Variants in PTK2 observed in about 807,000 individuals in gnomAD.
PTK2 encodes protein tyrosine kinase 2.
In PTK2, 45 loss-of-function variants were observed where a neutral mutation model predicts 150.1. The ratio of observed to expected loss-of-function variants is 0.30; its 90% CI spans 0.24 to 0.38. The LOEUF (loss-of-function observed/expected upper bound fraction) is 0.38, where lower values mean the gene tolerates loss of function less well. Ranked by LOEUF, PTK2 falls within the 10% of genes least tolerant of loss-of-function variation. The pLI is 1.00. For missense variants in PTK2, 919 were observed against 1,307.3 expected (o/e 0.70, Z 4.58); for synonymous variants, 432 against 449.2 (o/e 0.96, Z 0.48).
exon 9 of PTK2, chr8:140,818,919 G>T: frequency 1.2e-6 from 2 of 1,613,444 alleles, no homozygotes; most frequent in South Asian, 1.1e-5. Context: ...CAAATCTGTA[G>T]ACTGGAGACA....
At chr8:140,783,980 T>A (rs748489891) in intron 14 of PTK2, among the ~76,000 whole-genome samples, 2 of 152,022 alleles carry the variant, frequency 1.3e-5, no homozygotes, top group African/African-American at 4.8e-5. Context: ...CTGGCCAACG[T>A]TGTGAAACCC....
At chr8:140,710,728 A>G (rs954911522) in intron 23 of PTK2, among the ~76,000 whole-genome samples, 23 of 152,344 alleles carry the variant, frequency 1.5e-4, no homozygotes, top group African/African-American at 5.3e-4. Context: ...AGAGGTATGT[A>G]GGTTATATGC....
At chr8:140,947,141 T>C (rs1332865686) in intron 1 of PTK2, among the ~76,000 whole-genome samples, 1 of 152,118 alleles carries the variant, frequency 6.6e-6, no homozygotes, top group Non-Finnish European at 1.5e-5. Context: ...AGGCAAGCCT[T>C]CTCCACCCCT....
intron 1 of PTK2, among the ~76,000 whole-genome samples, chr8:140,987,843 C>T (rs1345538269): frequency 1.3e-5 from 2 of 152,158 alleles, no homozygotes; most frequent in African/African-American, 2.4e-5. Flanking sequence ...AGGAGTTTGA[C>T]ACCAGCCTGC....
At chr8:140,661,744 G>A (rs377308337) in intron 31 of PTK2, among the ~76,000 whole-genome samples, 68 of 152,282 alleles carry the variant, frequency 4.5e-4, no homozygotes, top group African/African-American at 1.4e-3. Context: ...CAGAGCAGGG[G>A]GTCTCAAGGG....
intron 1 of PTK2, among the ~76,000 whole-genome samples, chr8:140,992,433 G>GCA (rs1209580637): frequency 5.9e-5 from 9 of 152,116 alleles, no homozygotes; most frequent in African/African-American, 2.2e-4. Context: ...AAGTGCCACT[G>GCA]CACTCCAGCC....
At chr8:140,684,932 T>C (rs2100018983) in intron 27 of PTK2, among the ~76,000 whole-genome samples, 2 of 152,126 alleles carry the variant, frequency 1.3e-5, no homozygotes, top group African/African-American at 4.8e-5. Context: ...GCCTGAATAG[T>C]CAAAGCAATC....
chr8:140,692,469 T>A (rs1590414291), intron 26 of PTK2, among the ~76,000 whole-genome samples: 1 of 152,076 alleles, frequency 6.6e-6, no homozygotes, highest in South Asian at 2.1e-4. Context: ...ATACAAAAAT[T>A]AGCCGGGCAT....
intron 10 of PTK2, among the ~76,000 whole-genome samples, chr8:140,805,763 C>A (rs533918001): frequency 6.6e-6 from 1 of 152,300 alleles, no homozygotes; most frequent in South Asian, 2.1e-4. Flanking sequence ...TGATATTCTG[C>A]TTAGAGTCCT....
At chr8:141,000,326 C>T (rs1039929719) in intron 1 of PTK2, among the ~76,000 whole-genome samples, 2 of 152,184 alleles carry the variant, frequency 1.3e-5, no homozygotes, top group Admixed American at 1.3e-4. Context: ...GGGGCTCTAC[C>T]AAACTTGAGG....
At chr8:140,869,936 A>G (rs1051502169) in intron 4 of PTK2, among the ~76,000 whole-genome samples, 2 of 1,976 alleles carry the variant, frequency 1.0e-3, no homozygotes, top group African/African-American at 1.1e-3. Context: ...GCATGTAGCA[A>G]AACATATATG....
chr8:140,659,195 C>A, exon 32 of PTK2: 1 of 473,690 alleles, frequency 2.1e-6, no homozygotes, highest in Non-Finnish European at 3.8e-6. Context: ...TGCTTAAAAG[C>A]TTACATATAA....
chr8:140,836,521 T>G (rs1354277282), intron 7 of PTK2, among the ~76,000 whole-genome samples: 1 of 152,168 alleles, frequency 6.6e-6, no homozygotes, highest in African/African-American at 2.4e-5. Context: ...ATAAGAGAAA[T>G]AAACTTCTGT....
intron 26 of PTK2, among the ~76,000 whole-genome samples, chr8:140,699,633 G>C (rs1012309227): frequency 6.6e-6 from 1 of 152,192 alleles, no homozygotes; most frequent in South Asian, 2.1e-4. Flanking sequence ...GTAGCAAGAT[G>C]CAATAGTTTA....
chr8:140,971,504 C>CA (rs1370210158), intron 1 of PTK2, among the ~76,000 whole-genome samples: 1 of 152,196 alleles, frequency 6.6e-6, no homozygotes, highest in Non-Finnish European at 1.5e-5. Context: ...AGTCAAGACT[C>CA]AAATTTTTCT....
intron 1 of PTK2, among the ~76,000 whole-genome samples, chr8:140,947,023 C>A (rs1288786856): frequency 2.6e-5 from 4 of 152,194 alleles, no homozygotes; most frequent in Non-Finnish European, 5.9e-5. Flanking sequence ...TTATACCAGA[C>A]TACACCTGGA....
rs368123884 is a variant in PTK2, at chr8:140,743,335, T to C, written c.1635-5A>G. 9 of 1,607,224 alleles carry C rather than the reference T, an allele frequency of 5.6e-6. No individual in the cohort carries two copies. Among genetic ancestry groups the C allele is most frequent in the Middle Eastern group, 1.6e-4 (1 of 6,072 alleles). Reference sequence around the variant, plus strand: ...ACATTCCGAGCAGCAATGTCCCTGATAAAGAAGAATTTGAGACAATAAGAC... The same window carrying C: ...ACATTCCGAGCAGCAATGTCCCTGACAAAGAAGAATTTGAGACAATAAGAC... On this transcript the variant is annotated splice_region_variant and splice_polypyrimidine_tract_variant and intron_variant, in intron 19 of 31. Transcript: ENST00000522684.
chr8:140,669,827 T>C, intron 29 of PTK2, 92 bp from the exon 33 acceptor site: 1 of 1,377,554 alleles, frequency 7.3e-7, no homozygotes, highest in Admixed American at 2.0e-5. Flanking sequence ...ATAAGACAAA[T>C]CCCCCATAAA....
intron 5 of PTK2, among the ~76,000 whole-genome samples, chr8:140,862,126 T>C (rs942740517): frequency 6.6e-6 from 1 of 152,146 alleles, no homozygotes; most frequent in Middle Eastern, 3.2e-3. Context: ...AACAAAAAAG[T>C]TGCAGACTTT....
Sources: gnomAD v4.1 joint callset for allele counts (sites outside exome capture counted in the v4.1 genomes callset) on GRCh38, gnomAD v4.1.1 for gene constraint, MANE v1.5 for transcripts, NCBI Gene and HGNC (gene_info 2026-07-23, HGNC 2026-07-21) for gene names.